The following CHCHD5 variants were observed in gnomAD, a reference collection of about 807,000 sequenced individuals.
CHCHD5 encodes coiled-coil-helix-coiled-coil-helix domain containing 5.
In CHCHD5, 10 loss-of-function variants were observed where a neutral mutation model predicts 16.0. The ratio of observed to expected loss-of-function variants is 0.63; its 90% CI spans 0.39 to 1.06. The LOEUF is 1.06. Ranked by LOEUF, CHCHD5 falls within the 50% of genes least tolerant of loss-of-function variation. The pLI, the probability that CHCHD5 is intolerant of heterozygous loss-of-function variation, is 0.01. For missense variants in CHCHD5, 163 were observed against 153.4 expected (o/e 1.06, Z -0.33); for synonymous variants, 55 against 56.3 (o/e 0.98, Z 0.10).
At chr2:112,584,743 C>A in intron 1 of CHCHD5, 94 bp downstream of exon 1, 1 of 1,435,676 alleles carries the variant, frequency 7.0e-7, no homozygotes, top group Non-Finnish European at 9.7e-7. Context: ...GAACTAGGAC[C>A]AGCCTCCCTC....
At chr2:112,584,838 G>C in intron 1 of CHCHD5, 189 bp downstream of exon 1, 3 of 656,494 alleles carry the variant, frequency 4.6e-6, no homozygotes, top group Non-Finnish European at 5.3e-6. Flanking sequence ...CCCTCTAAGC[G>C]TTTAGGCCTC....
intron 3 of CHCHD5, chr2:112,588,010 C>T (rs1291981666): frequency 6.6e-6 from 1 of 152,476 alleles, no homozygotes; most frequent in Non-Finnish European, 1.5e-5. Context: ...GGAATTAGGG[C>T]CGGGTGCGGT....
In CHCHD5 at chr2:112,586,422, C is replaced by A. The variant is rs1388947376; in HGVS notation, c.309+57C>A. Reference sequence around the variant, plus strand: ...TCTCCATAACATCCCCTTCATCCTTCTGGTTGTTCAGGGTAAAGACTTTGG... The same window carrying A: ...TCTCCATAACATCCCCTTCATCCTTATGGTTGTTCAGGGTAAAGACTTTGG... On this transcript the variant is annotated intron_variant, in intron 3 of 3. Coordinates refer to ENST00000324913, the MANE Select transcript of CHCHD5 (RefSeq NM_032309.4). 5 of 1,611,722 alleles carry A rather than the reference C, an allele frequency of 3.1e-6. No individual in the cohort carries two copies. The South Asian group carries it at 5.5e-5, about 18-fold the overall frequency.
intron 3 of CHCHD5, 90 bp downstream of exon 3, chr2:112,586,455 C>T (rs13007177): frequency 6.3e-7 from 1 of 1,584,218 alleles, no homozygotes; most frequent in Non-Finnish European, 8.6e-7. Context: ...TGGAGTCATC[C>T]TCAGCCCCAC....
At chr2:112,585,909 A>T (rs562349379) in intron 1 of CHCHD5, 65 bp from the exon 2 acceptor site, 127 of 1,556,840 alleles carry the variant, frequency 8.2e-5, no homozygotes, top group South Asian at 3.2e-4. Context: ...AAAATAAAAA[A>T]AAAAAAAAGA....
Position 112,586,114 on chromosome 2 carries a change from A to G in CHCHD5, c.143A>G (p.His48Arg). Residue 48 changes from histidine (H) to arginine (R), a missense_variant and splice_region_variant, in exon 2 of 4, where the codon CAC (histidine) becomes CGC (arginine). Coordinates refer to ENST00000324913, the MANE Select transcript of CHCHD5 (RefSeq NM_032309.4). The part of the protein sequence containing the change: ...KMSIAQCTSS[H>R]PIIRQIRQAC... ...AGCATTGCCCAGTGCACATCCTCCC[A>G]GTGAGTGCGGGCAAGTATGAGACAG... The G allele has an allele frequency of 6.4e-7, 1 of 1,559,730 alleles. No homozygotes were observed. The highest frequency in any genetic ancestry group is 8.7e-7 in the Non-Finnish European group (1 of 1,145,506).
intron 3 of CHCHD5, chr2:112,586,771 A>G (rs1685239273): frequency 1.7e-6 from 1 of 582,280 alleles, no homozygotes; most frequent in Non-Finnish European, 2.9e-6. Flanking sequence ...CCCTAGGCTG[A>G]CTTCATCTGC....
intron 3 of CHCHD5, chr2:112,588,137 A>T (rs981574801): frequency 6.6e-6 from 1 of 152,158 alleles, no homozygotes; most frequent in Non-Finnish European, 1.5e-5. Flanking sequence ...TAAAAATACA[A>T]ATATTAGCCA....
rs930997296 is a variant in CHCHD5, at chr2:112,584,794, C to T, written c.2+145C>T. ...ACCCTCAGGATTCAGCGCCTTCGCT[C>T]ACGAGCTCCAACCCTCCGCATGCCC... On this transcript the variant is annotated intron_variant, in intron 1 of 3. Transcript: ENST00000324913. 5 of 965,342 alleles carry T rather than the reference C, an allele frequency of 5.2e-6. No individual in the cohort carries two copies. In the African/African-American group the frequency reaches 8.1e-5, roughly 16 times the overall value. 59.8% of individuals were successfully genotyped at this position (965,342 alleles called of 1,614,324 possible).
Position 112,584,948 on chromosome 2 carries a change from T to C in CHCHD5, c.2+299T>C, listed in dbSNP as rs1345190774. 5.8e-6 allele frequency: 3 copies of C among 521,370 alleles called. No individual in the cohort carries two copies. In the Admixed American group the frequency reaches 9.5e-5, roughly 16 times the overall value. 32.3% of individuals were successfully genotyped at this position (521,370 alleles called of 1,614,324 possible). A position where few individuals can be genotyped will look rare whatever the true frequency, so the allele number is the denominator to read the frequency against. On this transcript the variant is annotated intron_variant, in intron 1 of 3. Transcript: ENST00000324913. ...GGCCTTCACACTGAAATCCTAAGAC[T>C]ACAGACTTATTTAGGGACCTCTATG...
chr2:112,584,849 G>A, intron 1 of CHCHD5, 200 bp downstream of exon 1: 1 of 619,224 alleles, frequency 1.6e-6, no homozygotes, highest in Non-Finnish European at 2.9e-6. Flanking sequence ...TTTAGGCCTC[G>A]CCCCCTCTCG....
In CHCHD5 at chr2:112,588,982, A is replaced by T; in HGVS notation, c.*93A>T. On this transcript the variant is annotated 3_prime_UTR_variant, in exon 4 of 4. Transcript: ENST00000324913. The stretch of plus-strand genomic sequence containing the variant: ...CCAGATGGAGTCCTGAGCCCTGGAC[A>T]TGGGCCCGGCTTTCCTGGATATCAG... 1.1e-6 allele frequency: 1 copy of T among 888,216 alleles called. No homozygotes were observed. Among genetic ancestry groups the T allele is most frequent in the South Asian group, 1.4e-5 (1 of 71,576 alleles). 55.0% of individuals were successfully genotyped at this position (888,216 alleles called of 1,614,324 possible). A position where few individuals can be genotyped will look rare whatever the true frequency, so the allele number is the denominator to read the frequency against.
intron 3 of CHCHD5, 76 bp downstream of exon 3, chr2:112,586,441 A>G: frequency 6.2e-7 from 1 of 1,600,560 alleles, no homozygotes; most frequent in Non-Finnish European, 8.5e-7. Context: ...CAGGGTAAAG[A>G]CTTTGGAGTC....
In CHCHD5 at chr2:112,588,911, A is replaced by G; in HGVS notation, c.*22A>G. ...CTGAGGACTCCTCTGACGGCAGGAA[A>G]ACTGGACATGAATGACTGCCCCCAC... On this transcript the variant is annotated 3_prime_UTR_variant, in exon 4 of 4. Coordinates refer to ENST00000324913, the MANE Select transcript of CHCHD5 (RefSeq NM_032309.4). 1.2e-6 allele frequency: 2 copies of G among 1,602,848 alleles called. No homozygotes were observed. Among genetic ancestry groups the G allele is most frequent in the Non-Finnish European group, 1.7e-6 (2 of 1,170,094 alleles).
Position 112,588,839 on chromosome 2 carries a change from C to T in CHCHD5, c.310-27C>T, listed in dbSNP as rs2104607361. ...CAGGCTGGGCACAGAGGAGGTGCTA[C>T]TAGATGTTGATGTACTTTCTCCACA... On this transcript the variant is annotated intron_variant, in intron 3 of 3. Transcript: ENST00000324913. The T allele has an allele frequency of 4.4e-6, 7 of 1,600,182 alleles. No homozygotes were observed. In the South Asian group the frequency reaches 7.7e-5, roughly 18 times the overall value.
In CHCHD5 at chr2:112,586,323, C is replaced by A. The variant is rs751278369; in HGVS notation, c.267C>A (p.Cys89Ter). ...CAEHMRRFLQ[C>*]AEQVQPPRSP... ...AGCATATGCGCCGCTTCCTGCAGTGCGCTGAGCAGGTGCAGCCGCCACGCT... is the reference window on the plus strand; with the variant it reads ...AGCATATGCGCCGCTTCCTGCAGTGAGCTGAGCAGGTGCAGCCGCCACGCT... The change falls in exon 3 of 4, where the codon TGC becomes TGA. Residue 89 changes from cysteine to a stop codon, truncating the protein, a stop_gained. Transcript: ENST00000324913. LOFTEE classifies it high-confidence loss of function. 6.8e-6 allele frequency: 11 copies of A among 1,614,252 alleles called. No homozygotes were observed. Among genetic ancestry groups the A allele is most frequent in the Non-Finnish European group, 9.3e-6 (11 of 1,180,050 alleles).
chr2:112,584,496 C>A, upstream of CHCHD5: 1 of 916,022 alleles, frequency 1.1e-6, no homozygotes, highest in Non-Finnish European at 1.7e-6. Context: ...GGTAGGGCGC[C>A]GCCGTGACAG....
chr2:112,587,869 A>T (rs1454452708), intron 3 of CHCHD5: 1 of 152,214 alleles, frequency 6.6e-6, no homozygotes. Context: ...TAAAGACCCC[A>T]TCCTCCTATC....
chr2:112,586,513 AT>A (rs763026458), intron 3 of CHCHD5, 148 bp downstream of exon 3: 1 of 1,551,826 alleles, frequency 6.4e-7, no homozygotes, highest in Admixed American at 2.0e-5. Flanking sequence ...CCAGAACATC[AT>A]CACTTCTTGC....
Sources: allele counts gnomAD v4.1 joint callset, GRCh38; gene constraint gnomAD v4.1.1; transcripts MANE v1.5; gene names NCBI Gene and HGNC (gene_info 2026-07-23, HGNC 2026-07-21).